The following PDE4B variants were observed in gnomAD, a reference collection of about 807,000 sequenced individuals.
PDE4B encodes phosphodiesterase 4B, also known as 3',5'-cyclic-AMP phosphodiesterase 4B.
PDE4B carries 20 observed loss-of-function variants against 82.2 expected under a neutral mutation model. The observed-to-expected ratio is 0.24, with a 90% confidence interval of 0.17 to 0.35. The LOEUF (loss-of-function observed/expected upper bound fraction) is 0.35, where lower values mean the gene tolerates loss of function less well. Among genes scored for constraint, PDE4B ranks in the 10% least tolerant of loss-of-function variants. The pLI is 1.00. For missense variants in PDE4B, 655 were observed against 907.2 expected (o/e 0.72, Z 3.57); for synonymous variants, 320 against 318.9 (o/e 1.00, Z -0.04).
chr1:66,341,915 A>G (rs999645852), intron 8 of PDE4B, among the ~76,000 whole-genome samples: 2 of 152,224 alleles, frequency 1.3e-5, no homozygotes, highest in Non-Finnish European at 2.9e-5. Flanking sequence ...CTCTTGAGTC[A>G]TATTACCAAG....
Position 66,114,761 on chromosome 1 carries a change from G to A in PDE4B, c.282-132699G>A, listed in dbSNP as rs184031768. On this transcript the variant is annotated intron_variant, in intron 3 of 16. Transcript: ENST00000341517. Reference sequence around the variant, plus strand: ...AGCGATTCTCCTGCCTCAGCCTCCCGGGTAGCTGGGACTACAGGCACACAT... The same window carrying A: ...AGCGATTCTCCTGCCTCAGCCTCCCAGGTAGCTGGGACTACAGGCACACAT... Among the ~76,000 whole-genome samples the A allele has an allele frequency of 4.6e-3, 608 of 132,918 alleles. 4 individuals carry two copies. The highest frequency in any genetic ancestry group is 0.015 in the African/African-American group (576 of 39,576). The allele number at this position is 132,918 out of a possible 152,430, so 87.2% of individuals were successfully genotyped here. A position where few individuals can be genotyped will look rare whatever the true frequency, so the allele number is the denominator to read the frequency against.
chr1:65,947,754 A>T (rs540002060), intron 3 of PDE4B, among the ~76,000 whole-genome samples: 39 of 151,990 alleles, frequency 2.6e-4, no homozygotes, highest in African/African-American at 9.2e-4. Flanking sequence ...CTACCAGAAG[A>T]TGGAAGAGAT....
At chr1:65,922,231 C>G (rs1383429742) in intron 3 of PDE4B, among the ~76,000 whole-genome samples, 2 of 152,134 alleles carry the variant, frequency 1.3e-5, no homozygotes, top group Non-Finnish European at 2.9e-5. Flanking sequence ...ATTACAATAC[C>G]TACACTTCAA....
At chr1:65,989,536 A>G (rs1651132119) in intron 3 of PDE4B, among the ~76,000 whole-genome samples, 2 of 152,156 alleles carry the variant, frequency 1.3e-5, no homozygotes, top group African/African-American at 4.8e-5. Context: ...AAAAATAAAT[A>G]AACCTGAGAC....
intron 3 of PDE4B, among the ~76,000 whole-genome samples, chr1:66,035,389 A>T (rs2489905): frequency 0.96 from 145,786 of 152,258 alleles, 69,817 homozygotes; most frequent in East Asian, 0.98. Flanking sequence ...TTATTAACTA[A>T]AGTCATCTTC....
chr1:66,186,008 T>C (rs958180055), intron 3 of PDE4B, among the ~76,000 whole-genome samples: 1 of 152,234 alleles, frequency 6.6e-6, no homozygotes, highest in Admixed American at 6.5e-5. Context: ...GAATTAATTT[T>C]TGTATAAGGT....
At chr1:66,169,369 G>A (rs1160469950) in intron 3 of PDE4B, among the ~76,000 whole-genome samples, 1 of 152,220 alleles carries the variant, frequency 6.6e-6, no homozygotes, top group Non-Finnish European at 1.5e-5. Context: ...GCAGTCAGGG[G>A]AGTTGGCACC....
At chr1:65,812,823 A>T (rs1463380501) in intron 1 of PDE4B, among the ~76,000 whole-genome samples, 1 of 152,178 alleles carries the variant, frequency 6.6e-6, no homozygotes, top group Non-Finnish European at 1.5e-5. Context: ...AGCACTGGGC[A>T]GGGGTTGGGA....
At chr1:66,169,657 TG>T (rs1646802039) in intron 3 of PDE4B, among the ~76,000 whole-genome samples, 2 of 152,136 alleles carry the variant, frequency 1.3e-5, no homozygotes, top group Non-Finnish European at 2.9e-5. Context: ...GGGAGAGAAT[TG>T]TATTTGATTA....
chr1:66,032,358 A>G (rs2100801749), intron 3 of PDE4B, among the ~76,000 whole-genome samples: 1 of 152,310 alleles, frequency 6.6e-6, no homozygotes, highest in East Asian at 1.9e-4. Context: ...TTCAAATTAT[A>G]ATCCTAGGAG....
intron 3 of PDE4B, among the ~76,000 whole-genome samples, chr1:65,964,971 T>G (rs1649738471): frequency 6.6e-6 from 1 of 152,190 alleles, no homozygotes; most frequent in Non-Finnish European, 1.5e-5. Context: ...TTCACTGTGC[T>G]GTTTTTACTG....
intron 7 of PDE4B, among the ~76,000 whole-genome samples, chr1:66,287,577 T>A (rs1014927491): frequency 2.0e-5 from 3 of 152,180 alleles, no homozygotes; most frequent in African/African-American, 7.2e-5. Flanking sequence ...CTCCAGACTT[T>A]CCTTGCCTGG....
rs921129393 is a variant in PDE4B at position 65,792,969 on chromosome 1, C to T, written c.-350C>T. ...CTGGCGCGGGTTCCCCAGGCTAGCC[C>T]GCTGGCCCGTCCGCGCGCGCGCCCC... On this transcript the variant is annotated 5_prime_UTR_variant, in exon 1 of 17. Transcript: ENST00000341517. Among the ~76,000 whole-genome samples, 2 of 151,890 alleles carry T rather than the reference C, an allele frequency of 1.3e-5. No individual in the cohort carries two copies. Among genetic ancestry groups the T allele is most frequent in the East Asian group, 3.9e-4 (2 of 5,098 alleles).
At chr1:66,210,829 G>A (rs1053068544) in intron 3 of PDE4B, among the ~76,000 whole-genome samples, 1 of 152,084 alleles carries the variant, frequency 6.6e-6, no homozygotes. Context: ...ACTGACATTA[G>A]ACTCATCGTT....
chr1:65,975,760 G>A (rs747769228), intron 3 of PDE4B, among the ~76,000 whole-genome samples: 1 of 152,210 alleles, frequency 6.6e-6, no homozygotes, highest in African/African-American at 2.4e-5. Context: ...ATTGCTTCAG[G>A]GGGAGTAAGC....
intron 4 of PDE4B, among the ~76,000 whole-genome samples, chr1:66,256,551 C>A (rs1365089139): frequency 6.6e-6 from 1 of 151,982 alleles, no homozygotes; most frequent in Non-Finnish European, 1.5e-5. Flanking sequence ...AGGTTTCTAG[C>A]TGAAGAAAAA....
chr1:66,130,126 T>G lies in PDE4B; in HGVS notation c.282-117334T>G, dbSNP rs140902084. ...CTCAAATCTTTACATGACTTAGAAG[T>G]ATAGATTATCAATCAAAGCAAATGG... On this transcript the variant is annotated intron_variant, in intron 3 of 16. Transcript: ENST00000341517. Among the ~76,000 whole-genome samples, 573 of 152,294 alleles carry G rather than the reference T, an allele frequency of 3.8e-3. 3 individuals carry two copies. The highest frequency in any genetic ancestry group is 0.013 in the African/African-American group (544 of 41,562).
intron 1 of PDE4B, among the ~76,000 whole-genome samples, chr1:65,857,178 A>C (rs1254133083): frequency 2.0e-5 from 3 of 152,170 alleles, no homozygotes; most frequent in Non-Finnish European, 4.4e-5. Context: ...TAAAAATGTA[A>C]GTCATATATA....
intron 3 of PDE4B, among the ~76,000 whole-genome samples, chr1:66,001,371 AT>A (rs1191548010): frequency 6.6e-6 from 1 of 152,204 alleles, no homozygotes; most frequent in Non-Finnish European, 1.5e-5. Flanking sequence ...GCACATTTCG[AT>A]GGAGAGCAAT....
Sources: gnomAD v4.1 joint callset for allele counts (sites outside exome capture counted in the v4.1 genomes callset) on GRCh38, gnomAD v4.1.1 for gene constraint, MANE v1.5 for transcripts, NCBI Gene and HGNC (gene_info 2026-07-23, HGNC 2026-07-21) for gene names.